ABCB4: variants seen among roughly 807,000 people sequenced by gnomAD.
ABCB4 encodes phosphatidylcholine translocator ABCB4.
A neutral mutation model predicts 145.7 loss-of-function variants in ABCB4; 76 were observed. That is an observed-to-expected ratio of 0.52 (90% CI 0.43 to 0.63). ABCB4 has a LOEUF of 0.63. Among genes scored for constraint, ABCB4 ranks in the 30% least tolerant of loss-of-function variants. The pLI, the probability that ABCB4 is intolerant of heterozygous loss-of-function variation, is 0.00. For synonymous variants in ABCB4, 517 were observed against 566.8 expected, an observed-to-expected ratio of 0.91 and a Z score of 1.25; for missense variants, 1,234 against 1,553.1, an observed-to-expected ratio of 0.79 and a Z score of 3.45.
chr7:87,367,018 A>G, the ABCB4 span, among the ~76,000 whole-genome samples: 1 of 152,186 alleles, frequency 6.6e-6, no homozygotes, highest in Non-Finnish European at 1.5e-5. Context: ...CAATCTTCCC[A>G]TCATGACATT....
Position 87,402,199 on chromosome 7 carries a change from T to G in ABCB4, c.3737A>C (p.Gln1246Pro). ...IQNADLIVVF[Q>P]NGRVKEHGTH... ...GCCATGCTCCTTGACTCTCCCATTC[T>G]GAAACACCACTATTAAGTCTGCATT... The change falls in exon 28 of 28, where the codon CAG becomes CCG. Residue 1246 changes from glutamine to proline, a missense_variant. By Grantham distance (76) the Gln-to-Pro change is moderately conservative (BLOSUM62 -1). Around this residue, in one of 7 missense-constraint regions of ABCB4, gnomAD observed 58 missense variants for 75.9 expected, o/e 0.76. Transcript: ENST00000649586. The G allele has an allele frequency of 6.2e-7, 1 of 1,614,154 alleles. No individual in the cohort carries two copies. Among genetic ancestry groups the G allele is most frequent in the South Asian group, 1.1e-5 (1 of 91,076 alleles).
chr7:87,391,669 A>G, the ABCB4 span: 1 of 1,611,886 alleles, frequency 6.2e-7, no homozygotes, highest in Non-Finnish European at 8.5e-7. Flanking sequence ...TGCACAGTTG[A>G]AGCAGTGAGG....
rs758094940 is a variant in ABCB4 at position 87,440,299 on chromosome 7, G to T, written c.1460C>A (p.Ala487Asp). The part of the protein sequence containing the change: ...QEPVLFSTTI[A>D]ENICYGRGNV... ...TCCACGGCCATAACAAATATTTTCA[G>T]CAATTGTGGTGGAAAACAGCACCGG... is the stretch of plus-strand genomic sequence containing the variant. The change falls in exon 13 of 28, where the codon GCT becomes GAT. Residue 487 changes from alanine to aspartate, a missense_variant. This residue lies in a region of ABCB4 where 467 missense variants were observed against 632.8 expected (regional missense o/e 0.74). Coordinates refer to ENST00000649586, the MANE Select transcript of ABCB4 (RefSeq NM_000443.4). 1 of 1,613,998 alleles carries T rather than the reference G, an allele frequency of 6.2e-7. No homozygotes were observed. Among genetic ancestry groups the T allele is most frequent in the South Asian group, 1.1e-5 (1 of 91,074 alleles).
chr7:87,426,944 A>AGTGTTT (rs1554403496), intron 15 of ABCB4, 24 bp from the exon 16 acceptor site: 482 of 1,033,062 alleles, frequency 4.7e-4, no homozygotes, highest in Non-Finnish European at 6.8e-4. Flanking sequence ...AAGACATTAA[A>AGTGTTT]GTGTGTGTGT....
intron 2 of ABCB4, among the ~76,000 whole-genome samples, chr7:87,474,609 A>C (rs892339459): frequency 6.6e-6 from 1 of 152,210 alleles, no homozygotes; most frequent in Non-Finnish European, 1.5e-5. Flanking sequence ...ATGAACTCAG[A>C]GACCGTAATA....
the ABCB4 span, among the ~76,000 whole-genome samples, chr7:87,372,513 C>G: frequency 7.9e-5 from 12 of 152,136 alleles, no homozygotes; most frequent in African/African-American, 2.9e-4. Flanking sequence ...CTGCATTCAG[C>G]CTGTGACCTA....
chr7:87,412,449 T>A (rs538110230), intron 22 of ABCB4, among the ~76,000 whole-genome samples: 2 of 152,334 alleles, frequency 1.3e-5, no homozygotes, highest in African/African-American at 4.8e-5. Flanking sequence ...AATTGTACTC[T>A]GTTAGGTTAA....
the ABCB4 span, among the ~76,000 whole-genome samples, chr7:87,379,593 T>A: frequency 6.6e-6 from 1 of 152,252 alleles, no homozygotes; most frequent in Admixed American, 6.5e-5. Flanking sequence ...TGTCTCTGAA[T>A]AAAGAATATT....
At chr7:87,417,097 A>G (rs1809026249) in intron 21 of ABCB4, among the ~76,000 whole-genome samples, 1 of 152,254 alleles carries the variant, frequency 6.6e-6, no homozygotes, top group Non-Finnish European at 1.5e-5. Context: ...AACTATGTTA[A>G]GTGCTTTCTA....
At chr7:87,438,419 TTG>T (rs1225934805) in intron 14 of ABCB4, among the ~76,000 whole-genome samples, 13 of 152,286 alleles carry the variant, frequency 8.5e-5, no homozygotes, top group African/African-American at 1.7e-4. Context: ...ATAATTATTA[TTG>T]TGTTATTAAT....
chr7:87,447,086 T>C lies in ABCB4; in HGVS notation c.953A>G (p.Tyr318Cys). ...TTTTGATATGACTAGAGTGGATCCA[T>C]ACCAGAAGGCCAGTGCATATGATGC... is the stretch of plus-strand genomic sequence containing the variant. ...IYASYALAFW[Y>C]GSTLVISKEY... The change falls in exon 9 of 28, where the codon TAT (tyrosine) becomes TGT (cysteine). Residue 318 changes from tyrosine to cysteine, a missense_variant. Tyr to Cys is a radical substitution (Grantham distance 194, BLOSUM62 -2). This residue lies in a region of ABCB4 where 467 missense variants were observed against 632.8 expected (regional missense o/e 0.74). Coordinates refer to ENST00000649586, the MANE Select transcript of ABCB4 (RefSeq NM_000443.4). 1 of 1,613,772 alleles carries C rather than the reference T, an allele frequency of 6.2e-7. No individual in the cohort carries two copies. Among genetic ancestry groups the C allele is most frequent in the Non-Finnish European group, 8.5e-7 (1 of 1,179,700 alleles).
chr7:87,398,677 A>G (rs774397438), downstream of ABCB4: 24 of 1,601,562 alleles, frequency 1.5e-5, no homozygotes, highest in Non-Finnish European at 1.7e-5. Context: ...TTACCAAAAC[A>G]TATCATTAAA....
At chr7:87,396,896 G>A (rs1191130147), downstream of ABCB4, among the ~76,000 whole-genome samples, 1 of 152,052 alleles carries the variant, frequency 6.6e-6, no homozygotes, top group Non-Finnish European at 1.5e-5. Flanking sequence ...TATTAAGTAT[G>A]CTTTGAGATA....
chr7:87,447,083 C>G lies in ABCB4; in HGVS notation c.956G>C (p.Gly319Ala). 1 of 1,613,784 alleles carries G rather than the reference C, an allele frequency of 6.2e-7. No individual in the cohort carries two copies. The highest frequency in any genetic ancestry group is 8.5e-7 in the Non-Finnish European group (1 of 1,179,782). Reference sequence around the variant, plus strand: ...TTCTTTTGATATGACTAGAGTGGATCCATACCAGAAGGCCAGTGCATATGA... The same window carrying G: ...TTCTTTTGATATGACTAGAGTGGATGCATACCAGAAGGCCAGTGCATATGA... ...YASYALAFWY[G>A]STLVISKEYT... Residue 319 changes from glycine (G) to alanine (A), a missense_variant, in exon 9 of 28, where the codon GGA becomes GCA. Coordinates refer to ENST00000649586, the MANE Select transcript of ABCB4 (RefSeq NM_000443.4).
the ABCB4 span, among the ~76,000 whole-genome samples, chr7:87,370,252 G>A: frequency 2.0e-5 from 3 of 151,894 alleles, no homozygotes; most frequent in African/African-American, 7.3e-5. Flanking sequence ...GCACAATCTC[G>A]GCTCACTGCA....
chr7:87,416,681 C>T (rs1266778529), intron 21 of ABCB4, among the ~76,000 whole-genome samples: 1 of 152,152 alleles, frequency 6.6e-6, no homozygotes, highest in African/African-American at 2.4e-5. Flanking sequence ...AGCCAAATCT[C>T]TAACTTCTGT....
chr7:87,401,925 ACT>A lies in ABCB4; in HGVS notation c.*169_*170del, dbSNP rs773400329. On this transcript the variant is annotated 3_prime_UTR_variant, in exon 28 of 28. Coordinates refer to ENST00000649586, the MANE Select transcript of ABCB4 (RefSeq NM_000443.4). ...TTCATCAAGACAGGTGTCACTTCTA[ACT>A]CTCAAATTTCAAATGCCGTAATAAA... The A allele has an allele frequency of 2.7e-4, 232 of 861,964 alleles. 2 individuals carry two copies. The highest frequency in any genetic ancestry group is 2.2e-3 in the South Asian group (151 of 69,868). 53.4% of individuals were successfully genotyped at this position (861,964 alleles called of 1,614,324 possible). A position where few individuals can be genotyped will look rare whatever the true frequency, so the allele number is the denominator to read the frequency against.
chr7:87,390,943 C>G, the ABCB4 span, among the ~76,000 whole-genome samples: 1 of 152,144 alleles, frequency 6.6e-6, no homozygotes, highest in South Asian at 2.1e-4. Flanking sequence ...TTTTGTGATG[C>G]AGCTTAGTTG....
rs554510518 is a variant in ABCB4 at position 87,409,587 on chromosome 7, G to T, written c.2925-195C>A. Among the ~76,000 whole-genome samples, 8 of 152,216 alleles carry T rather than the reference G, an allele frequency of 5.3e-5. No individual in the cohort carries two copies. In the East Asian group the frequency reaches 1.5e-3, roughly 29 times the overall value. ...GAGGGGCAAGATCCACTTCCTGAGG[G>T]TTTACCTTTTCTCGACTTGCTTTCT... On this transcript the variant is annotated intron_variant, in intron 23 of 27. Coordinates refer to ENST00000649586, the MANE Select transcript of ABCB4 (RefSeq NM_000443.4).
Sources: gnomAD v4.1 joint callset for allele counts (sites outside exome capture counted in the v4.1 genomes callset) on GRCh38, gnomAD v4.1.1 for gene constraint, gnomAD v4.1.1 regional missense constraint, MANE v1.5 for transcripts, NCBI Gene and HGNC (gene_info 2026-07-23, HGNC 2026-07-21) for gene names.